The following VSTM2A variants were observed in gnomAD, a reference collection of about 807,000 sequenced individuals.
VSTM2A encodes the protein V-set and transmembrane domain-containing protein 2A.
In VSTM2A, 13 loss-of-function variants were observed where a neutral mutation model predicts 27.3. The ratio of observed to expected loss-of-function variants is 0.48; its 90% CI spans 0.31 to 0.76. The LOEUF is 0.76. Among genes scored for constraint, VSTM2A ranks in the 30% least tolerant of loss-of-function variants. The pLI is 0.05. For missense variants in VSTM2A, 280 were observed against 310.0 expected (o/e 0.90, Z 0.73); for synonymous variants, 142 against 125.7 (o/e 1.13, Z -0.87).
chr7:54,564,883 T>G (rs529241067), intron 4 of VSTM2A, among the ~76,000 whole-genome samples: 1 of 152,170 alleles, frequency 6.6e-6, no homozygotes, highest in South Asian at 2.1e-4. Context: ...TCGTAAGAAA[T>G]TTGGTACATT....
intron 4 of VSTM2A, 128 bp from the exon 5 acceptor site, chr7:54,569,003 C>T (rs1233041123): frequency 6.3e-7 from 1 of 1,591,470 alleles, no homozygotes; most frequent in East Asian, 2.2e-5. Flanking sequence ...ATAACTTCTT[C>T]CGCAGGTGCG....
rs1193777665 is a variant in VSTM2A at position 54,542,447 on chromosome 7, G to A, written c.-284G>A. On this transcript the variant is annotated 5_prime_UTR_variant, in exon 1 of 5. Coordinates refer to ENST00000402613, the MANE Select transcript of VSTM2A (RefSeq NM_001301009.2). ...CCGGAGCGGCGGGCTGACGTTGGAC[G>A]AGCTGCCAGGTAGCTGAAAGCAGGC... The A allele has an allele frequency of 1.7e-5, 8 of 462,432 alleles. No individual in the cohort carries two copies. The highest frequency in any genetic ancestry group is 1.6e-4 in the Admixed American group (4 of 24,766). The allele number at this position is 462,432 out of a possible 1,614,324, so 28.6% of individuals were successfully genotyped here. A position where few individuals can be genotyped will look rare whatever the true frequency, so the allele number is the denominator to read the frequency against.
chr7:54,552,198 C>G (rs1788221126), intron 4 of VSTM2A: 1 of 152,132 alleles, frequency 6.6e-6, no homozygotes, highest in Non-Finnish European at 1.5e-5. Flanking sequence ...AGTCTATATT[C>G]ATTAAAAGTC....
chr7:54,567,329 A>G (rs953777494), intron 4 of VSTM2A, among the ~76,000 whole-genome samples: 4 of 152,238 alleles, frequency 2.6e-5, no homozygotes, highest in African/African-American at 9.6e-5. Context: ...ATGGAAGTTC[A>G]AAATGTTAGT....
chr7:54,545,790 G>T (rs1787935915), intron 2 of VSTM2A, among the ~76,000 whole-genome samples: 1 of 116,056 alleles, frequency 8.6e-6, no homozygotes, highest in Non-Finnish European at 1.9e-5. Context: ...AAGGAGAGAG[G>T]GTAGGGGAAA....
intron 4 of VSTM2A, among the ~76,000 whole-genome samples, chr7:54,565,312 A>G (rs1301706312): frequency 6.6e-6 from 1 of 152,214 alleles, no homozygotes; most frequent in Non-Finnish European, 1.5e-5. Flanking sequence ...GGATTAACCA[A>G]TATGATGGAG....
At position 54,544,751 on chromosome 7, in the gene VSTM2A, A is replaced by G. The variant is rs1368441290; in HGVS notation, c.209A>G (p.Glu70Gly). ...EIQWWFLRGPEDLDPGAEGAG... is the reference protein window; with the variant it reads ...EIQWWFLRGPGDLDPGAEGAG... ...CAATGGTGGTTCCTGCGGGGGCCGG[A>G]GGACCTGGATCCCGGGGCCGAGGGG... Residue 70 changes from glutamate to glycine, a missense_variant, in exon 2 of 5, where the codon GAG (glutamate) becomes GGG (glycine). By Grantham distance (98) the Glu-to-Gly change is moderately conservative (BLOSUM62 -2). Transcript: ENST00000402613. The G allele has an allele frequency of 3.1e-6, 5 of 1,612,166 alleles. No homozygotes were observed. Among genetic ancestry groups the G allele is most frequent in the Non-Finnish European group, 4.2e-6 (5 of 1,179,654 alleles).
chr7:54,570,318 G>A lies in VSTM2A; in HGVS notation c.*1099G>A, dbSNP rs1400324869. The stretch of plus-strand genomic sequence containing the variant: ...TTGCTTCTAGAAAATTTGCCTAGGA[G>A]GCGAATGTGGGGAAGGTGAAGCACT... On this transcript the variant is annotated 3_prime_UTR_variant, in exon 5 of 5. Coordinates refer to ENST00000402613, the MANE Select transcript of VSTM2A (RefSeq NM_001301009.2). 6.6e-6 allele frequency: 1 copy of A among 152,122 alleles called. No individual in the cohort carries two copies. The highest frequency in any genetic ancestry group is 1.5e-5 in the Non-Finnish European group (1 of 68,022). The allele number at this position is 152,122 out of a possible 1,614,324, so 9.4% of individuals were successfully genotyped here.
At chr7:54,564,444 T>C (rs1436687545) in intron 4 of VSTM2A, among the ~76,000 whole-genome samples, 1 of 152,222 alleles carries the variant, frequency 6.6e-6, no homozygotes, top group Non-Finnish European at 1.5e-5. Context: ...GTGCCCCCTA[T>C]CTAAGCCAAC....
intron 4 of VSTM2A, among the ~76,000 whole-genome samples, chr7:54,554,255 T>C (rs1308666526): frequency 6.6e-6 from 1 of 152,142 alleles, no homozygotes; most frequent in Admixed American, 6.5e-5. Flanking sequence ...ACCTATTTAC[T>C]GGCTCCTAGC....
At chr7:54,551,790 C>T (rs1788209416) in intron 4 of VSTM2A, 1 of 152,162 alleles carries the variant, frequency 6.6e-6, no homozygotes, top group Non-Finnish European at 1.5e-5. Context: ...AATTTACAAC[C>T]TAATTAGCAA....
intron 4 of VSTM2A, among the ~76,000 whole-genome samples, chr7:54,553,405 T>C (rs567914808): frequency 1.3e-5 from 2 of 152,328 alleles, no homozygotes; most frequent in East Asian, 3.9e-4. Flanking sequence ...CTGAACACTC[T>C]CCAGTTTTGT....
intron 2 of VSTM2A, chr7:54,546,542 C>G (rs1484832375): frequency 6.4e-6 from 1 of 156,404 alleles, no homozygotes; most frequent in Non-Finnish European, 1.3e-5. Context: ...GCCCGCCCGC[C>G]TCACCCCTGG....
Position 54,569,312 on chromosome 7 carries a change from CTTTTA to C in VSTM2A, c.*99_*103del. Reference sequence around the variant, plus strand: ...ATATTTTCTTTGGCAAAACACTGATCTTTTATTTTAAGAGAATTAACGTGAAGTGA... The same window carrying C: ...ATATTTTCTTTGGCAAAACACTGATCTTTTAAGAGAATTAACGTGAAGTGA... On this transcript the variant is annotated 3_prime_UTR_variant, in exon 5 of 5. Transcript: ENST00000402613. The C allele has an allele frequency of 2.0e-6, 3 of 1,515,574 alleles. No individual in the cohort carries two copies. The highest frequency in any genetic ancestry group is 1.3e-5 in the South Asian group (1 of 79,152). 93.9% of individuals were successfully genotyped at this position (1,515,574 alleles called of 1,614,324 possible).
chr7:54,558,997 A>G (rs941771479), intron 4 of VSTM2A: 5 of 152,120 alleles, frequency 3.3e-5, no homozygotes, highest in Non-Finnish European at 7.4e-5. Flanking sequence ...ATTTGTGTCT[A>G]ATACTTAGGA....
chr7:54,561,927 G>GTT (rs10711749), intron 4 of VSTM2A, among the ~76,000 whole-genome samples: 1 of 150,626 alleles, frequency 6.6e-6, no homozygotes, highest in African/African-American at 2.4e-5. Context: ...TTTTTTGTTT[G>GTT]TTTTTTTTTG....
rs374544904 is a variant in VSTM2A, at chr7:54,555,436, C to T, written c.634+5266C>T. On this transcript the variant is annotated intron_variant, in intron 4 of 4. Coordinates refer to ENST00000402613, the MANE Select transcript of VSTM2A (RefSeq NM_001301009.2). Reference sequence around the variant, plus strand: ...AATGTTTTCAGATATTTTGTTACCTCTATGGCTTTGCAAATGCTGTTTCCT... The same window carrying T: ...AATGTTTTCAGATATTTTGTTACCTTTATGGCTTTGCAAATGCTGTTTCCT... Among the ~76,000 whole-genome samples, 3 of 152,312 alleles carry T rather than the reference C, an allele frequency of 2.0e-5. No individual in the cohort carries two copies. The East Asian group carries it at 5.8e-4, about 29-fold the overall frequency.
rs777468688 is a variant in VSTM2A at position 54,549,914 on chromosome 7, G to A, written c.378G>A (p.Glu126=). 1.4e-5 allele frequency: 23 copies of A among 1,613,814 alleles called. No homozygotes were observed. In the East Asian group the frequency reaches 3.1e-4, roughly 22 times the overall value. The change falls in exon 4 of 5, where the codon GAG becomes GAA. Residue 126 remains glutamate, a synonymous_variant. Coordinates refer to ENST00000402613, the MANE Select transcript of VSTM2A (RefSeq NM_001301009.2). Reference sequence around the variant, plus strand: ...GGAAAAAGGATGAAGGCTTATATGAGTGCAGGGTGACTGATGCCAACTACG... The same window carrying A: ...GGAAAAAGGATGAAGGCTTATATGAATGCAGGGTGACTGATGCCAACTACG... ...KVRKKDEGLY[E]CRVTDANYGE... is the part of the protein sequence containing the mutation.
At chr7:54,560,639 A>T (rs1204435862) in intron 4 of VSTM2A, among the ~76,000 whole-genome samples, 6 of 152,188 alleles carry the variant, frequency 3.9e-5, no homozygotes, top group Admixed American at 6.5e-5. Context: ...TTTTGCATGA[A>T]TTCAGAATCC....
Sources: gnomAD v4.1 joint callset for allele counts (sites outside exome capture counted in the v4.1 genomes callset) on GRCh38, gnomAD v4.1.1 for gene constraint, MANE v1.5 for transcripts, NCBI Gene and HGNC (gene_info 2026-07-23, HGNC 2026-07-21) for gene names.